Variants in XKR3 observed in about 807,000 individuals in gnomAD.
The protein encoded by XKR3 is XK-related protein 3.
A neutral mutation model predicts 40.3 loss-of-function variants in XKR3; 27 were observed. The ratio of observed to expected loss-of-function variants is 0.67; its 90% confidence interval spans 0.49 to 0.92. The LOEUF is 0.92. Ranked by LOEUF, XKR3 falls within the 40% of genes least tolerant of loss-of-function variation. XKR3 has a pLI of 0.00. For synonymous variants in XKR3, 193 were observed against 195.4 expected (o/e 0.99, Z 0.10); for missense variants, 472 against 537.6 (o/e 0.88, Z 1.21).
chr22:16,791,778 GGAGAGAGAGAGAGAGAGAGAGA>G (rs763159994), intron 3 of XKR3, among the ~76,000 whole-genome samples: 4 of 123,184 alleles, frequency 3.2e-5, no homozygotes, highest in Non-Finnish European at 6.7e-5. Context: ...GGAGAGAGAG[GGAGAGAGAGAGAGAGAGAGAGA>G]GAGAGAGAGA....
chr22:16,816,749 C>G (rs534405968), intron 1 of XKR3, among the ~76,000 whole-genome samples: 13 of 152,034 alleles, frequency 8.6e-5, no homozygotes, highest in Non-Finnish European at 1.6e-4. Context: ...CCCTTCTATA[C>G]ATGTTTTCCT....
chr22:16,788,838 T>C (rs1178098045), intron 3 of XKR3, among the ~76,000 whole-genome samples: 4 of 152,070 alleles, frequency 2.6e-5, no homozygotes, highest in African/African-American at 4.8e-5. Flanking sequence ...AATGGTTTAA[T>C]ACACAAGAAT....
intron 2 of XKR3, among the ~76,000 whole-genome samples, chr22:16,800,757 G>A (rs1449743783): frequency 1.3e-5 from 2 of 152,028 alleles, no homozygotes; most frequent in African/African-American, 4.8e-5. Flanking sequence ...ATGAATAAAA[G>A]CAAGATACCA....
chr22:16,812,641 C>T (rs1448599714), intron 1 of XKR3, among the ~76,000 whole-genome samples: 2 of 152,144 alleles, frequency 1.3e-5, no homozygotes, highest in Non-Finnish European at 2.9e-5. Context: ...CACCACTGCA[C>T]TCCAGGCAGG....
chr22:16,815,734 T>A (rs2060230591), intron 1 of XKR3, among the ~76,000 whole-genome samples: 1 of 152,016 alleles, frequency 6.6e-6, no homozygotes. Flanking sequence ...TAAATGTCTG[T>A]ATACTCATCA....
intron 3 of XKR3, among the ~76,000 whole-genome samples, chr22:16,784,662 T>C (rs1403669269): frequency 6.6e-6 from 1 of 152,176 alleles, no homozygotes; most frequent in African/African-American, 2.4e-5. Context: ...TATACATGTA[T>C]ATACACATTC....
At chr22:16,824,572 G>C (rs1459213514) in intron 1 of XKR3, among the ~76,000 whole-genome samples, 2 of 152,110 alleles carry the variant, frequency 1.3e-5, no homozygotes, top group Non-Finnish European at 2.9e-5. Flanking sequence ...AGTAGGCGAG[G>C]GGTATAAAGG....
At chr22:16,801,852 C>A (rs1284428360) in intron 2 of XKR3, among the ~76,000 whole-genome samples, 1 of 152,056 alleles carries the variant, frequency 6.6e-6, no homozygotes, top group Non-Finnish European at 1.5e-5. Context: ...TCTATACACC[C>A]AATAACTTGC....
At chr22:16,798,716 T>C (rs955828639) in intron 3 of XKR3, among the ~76,000 whole-genome samples, 2 of 152,200 alleles carry the variant, frequency 1.3e-5, no homozygotes, top group African/African-American at 4.8e-5. Flanking sequence ...TCAACATAAA[T>C]GCAGGTGGAG....
chr22:16,824,098 T>C (rs1307315650), intron 1 of XKR3, among the ~76,000 whole-genome samples: 1 of 152,174 alleles, frequency 6.6e-6, no homozygotes, highest in Non-Finnish European at 1.5e-5. Flanking sequence ...TTCAAATGAA[T>C]AGATGAGAAA....
intron 3 of XKR3, among the ~76,000 whole-genome samples, chr22:16,799,213 A>G (rs1266508699): frequency 6.6e-6 from 1 of 151,778 alleles, no homozygotes; most frequent in Non-Finnish European, 1.5e-5. Flanking sequence ...GGAGATCGAG[A>G]CCATCCTGGC....
chr22:16,816,933 G>C (rs1247266870), intron 1 of XKR3, among the ~76,000 whole-genome samples: 2 of 152,028 alleles, frequency 1.3e-5, no homozygotes, highest in Non-Finnish European at 2.9e-5. Flanking sequence ...TTGCAAGGAA[G>C]AGACTCATAC....
At chr22:16,823,995 A>G (rs2060265567) in intron 1 of XKR3, among the ~76,000 whole-genome samples, 1 of 152,152 alleles carries the variant, frequency 6.6e-6, no homozygotes, top group African/African-American at 2.4e-5. Context: ...GATGAGACAA[A>G]TGGTCCAAAA....
At chr22:16,804,780 C>T (rs1256771526) in intron 2 of XKR3, among the ~76,000 whole-genome samples, 1 of 152,088 alleles carries the variant, frequency 6.6e-6, no homozygotes, top group Non-Finnish European at 1.5e-5. Flanking sequence ...GCTGTCAAGC[C>T]TTTCTGGAAC....
chr22:16,808,115 C>T (rs1265503028), intron 1 of XKR3, 32 bp from the exon 2 acceptor site: 1 of 1,467,220 alleles, frequency 6.8e-7, no homozygotes, highest in East Asian at 2.3e-5. Context: ...GTCAGTGAAT[C>T]CAGTAGAGTT....
chr22:16,784,244 G>A lies in XKR3; in HGVS notation c.755C>T (p.Thr252Ile), dbSNP rs1366221101. The A allele has an allele frequency of 1.9e-6, 3 of 1,614,020 alleles. No homozygotes were observed. The highest frequency in any genetic ancestry group is 2.5e-6 in the Non-Finnish European group (3 of 1,180,044). ...RFLEVISRVV[T>I]LAFFIASLKL... The stretch of plus-strand genomic sequence containing the variant: ...CAGAGATGCAATGAAAAATGCCAGA[G>A]TCACTACACGTGAGATAACCTCCAA... The change falls in exon 4 of 4, where the codon ACT becomes ATT. Residue 252 changes from threonine to isoleucine, a missense_variant. Transcript: ENST00000684488.
chr22:16,819,466 A>G (rs1601852880), intron 1 of XKR3, among the ~76,000 whole-genome samples: 4 of 152,156 alleles, frequency 2.6e-5, no homozygotes, highest in Non-Finnish European at 4.4e-5. Context: ...TGATTTGAAT[A>G]TGATGCAATA....
At position 16,808,092 on chromosome 22, in the gene XKR3, T is replaced by A; in HGVS notation, c.-10-9A>T. 1.3e-6 allele frequency: 2 copies of A among 1,566,864 alleles called. No homozygotes were observed. The highest frequency in any genetic ancestry group is 1.7e-6 in the Non-Finnish European group (2 of 1,159,016). On this transcript the variant is annotated splice_polypyrimidine_tract_variant and intron_variant, in intron 1 of 3. Transcript: ENST00000684488. The stretch of plus-strand genomic sequence containing the variant: ...TCTCCATTCTCAGGGTGCTGCTAAT[T>A]CAAAGTCGTCTTGTCAGTGAATCCA...
chr22:16,791,721 G>A (rs1429128662), intron 3 of XKR3, among the ~76,000 whole-genome samples: 1 of 145,902 alleles, frequency 6.9e-6, no homozygotes, highest in African/African-American at 2.6e-5. Flanking sequence ...GAGAGAGAGA[G>A]GGAGAGAGGG....
Sources: gnomAD v4.1 joint callset for allele counts (sites outside exome capture counted in the v4.1 genomes callset) on GRCh38, gnomAD v4.1.1 for gene constraint, MANE v1.5 for transcripts, NCBI Gene and HGNC (gene_info 2026-07-23, HGNC 2026-07-21) for gene names.